The following MAPK10 variants were observed in gnomAD, a reference collection of about 807,000 sequenced individuals.
MAPK10 encodes JNK3 alpha protein kinase.
A neutral mutation model predicts 59.3 loss-of-function variants in MAPK10; 25 were observed. The ratio of observed to expected loss-of-function variants is 0.42; its 90% CI spans 0.31 to 0.59. The LOEUF (loss-of-function observed/expected upper bound fraction) is 0.59. MAPK10 is among the 20% of genes least tolerant of loss of function. The probability of loss-of-function intolerance (pLI) is 0.15; values close to 1 mark genes in which losing one functional copy is unlikely to be tolerated. For synonymous variants in MAPK10, 190 were observed against 200.5 expected (o/e 0.95, Z 0.44); for missense variants, 351 against 568.9 (o/e 0.62, Z 3.90).
intron 1 of MAPK10, among the ~76,000 whole-genome samples, chr4:86,395,164 A>T (rs1742751067): frequency 6.6e-6 from 1 of 152,188 alleles, no homozygotes; most frequent in Non-Finnish European, 1.5e-5. Flanking sequence ...TACAAAAGCA[A>T]AGGATGTTAC....
intron 8 of MAPK10, chr4:86,100,400 G>A (rs1489048930): frequency 6.6e-6 from 1 of 152,012 alleles, no homozygotes. Flanking sequence ...AAGTGTTCAT[G>A]AACATTAAGT....
At chr4:86,028,414 A>T (rs1380336218) in intron 13 of MAPK10, 1 of 152,180 alleles carries the variant, frequency 6.6e-6, no homozygotes, top group African/African-American at 2.4e-5. Flanking sequence ...TATCGATATG[A>T]ATAATTGATT....
chr4:86,510,948 A>G (rs1461365406), intron 1 of MAPK10, among the ~76,000 whole-genome samples: 1 of 152,196 alleles, frequency 6.6e-6, no homozygotes, highest in Non-Finnish European at 1.5e-5. Flanking sequence ...GATAGAAGGA[A>G]TAAGTTCTAG....
chr4:86,535,170 G>T (rs773650886), intron 1 of MAPK10, among the ~76,000 whole-genome samples: 1 of 152,086 alleles, frequency 6.6e-6, no homozygotes, highest in Admixed American at 6.5e-5. Flanking sequence ...GTAAGAGAAC[G>T]GAAATGGCCC....
intron 2 of MAPK10, among the ~76,000 whole-genome samples, chr4:86,337,841 C>G (rs1021804852): frequency 1.6e-4 from 24 of 152,316 alleles, no homozygotes; most frequent in Admixed American, 1.5e-3. Flanking sequence ...ATATCCAGTG[C>G]TATCAGACTG....
chr4:86,142,669 G>T (rs757535378), intron 4 of MAPK10, among the ~76,000 whole-genome samples: 1 of 152,170 alleles, frequency 6.6e-6, no homozygotes, highest in Non-Finnish European at 1.5e-5. Flanking sequence ...GGATCAAGAA[G>T]TAAAACCCAC....
At chr4:86,161,995 C>T (rs1490490977) in intron 3 of MAPK10, among the ~76,000 whole-genome samples, 1 of 151,920 alleles carries the variant, frequency 6.6e-6, no homozygotes, top group African/African-American at 2.4e-5. Flanking sequence ...TGTCACTTAT[C>T]TCTCAGGTTT....
In MAPK10 at chr4:86,572,130, C is replaced by G. The variant is rs542699167; in HGVS notation, c.-263+21780G>C. ...ACATGCACATATATTTTGTTCTTACCAGAACAGTGGAAACACTACACAAAA... is the reference window on the plus strand; with the variant it reads ...ACATGCACATATATTTTGTTCTTACGAGAACAGTGGAAACACTACACAAAA... On this transcript the variant is annotated intron_variant, in intron 1 of 4. Transcript: ENST00000502302. 2.6e-5 allele frequency among the ~76,000 whole-genome samples: 4 copies of G among 152,086 alleles called. No homozygotes were observed. The East Asian group carries it at 7.8e-4, about 29-fold the overall frequency.
At chr4:86,432,719 A>G (rs1748204196) in intron 1 of MAPK10, among the ~76,000 whole-genome samples, 1 of 152,198 alleles carries the variant, frequency 6.6e-6, no homozygotes, top group South Asian at 2.1e-4. Flanking sequence ...TGCACTCACT[A>G]CTTGTAGTGG....
chr4:86,347,920 G>A (rs891053078), intron 2 of MAPK10, among the ~76,000 whole-genome samples: 28 of 151,970 alleles, frequency 1.8e-4, no homozygotes, highest in African/African-American at 5.8e-4. Flanking sequence ...TACTTATATC[G>A]GTTTTACCAG....
intron 4 of MAPK10, among the ~76,000 whole-genome samples, chr4:86,109,672 C>A (rs772572894): frequency 6.6e-6 from 1 of 152,088 alleles, no homozygotes; most frequent in Non-Finnish European, 1.5e-5. Context: ...TCTTTGCTAT[C>A]GTGCATAGCG....
chr4:86,360,794 A>C (rs1736793213), upstream of MAPK10, among the ~76,000 whole-genome samples: 1 of 152,116 alleles, frequency 6.6e-6, no homozygotes, highest in Admixed American at 6.5e-5. Context: ...GGTATTTTTA[A>C]AGTCTCCAAA....
intron 1 of MAPK10, among the ~76,000 whole-genome samples, chr4:86,547,962 C>A (rs1565022447): frequency 6.6e-6 from 1 of 152,154 alleles, no homozygotes; most frequent in Non-Finnish European, 1.5e-5. Flanking sequence ...CTCGGCTCTA[C>A]CAATCAGCAG....
intron 11 of MAPK10, among the ~76,000 whole-genome samples, chr4:86,062,595 A>G (rs896469835): frequency 1.3e-5 from 2 of 152,132 alleles, no homozygotes; most frequent in South Asian, 2.1e-4. Context: ...ATTAAGTTAG[A>G]TATAAGAAAA....
intron 1 of MAPK10, among the ~76,000 whole-genome samples, chr4:86,372,564 G>GAGAGAAAGAAAGAAAGGAAAAGA (rs1554253767): frequency 1.3e-5 from 1 of 78,690 alleles, no homozygotes; most frequent in Non-Finnish European, 2.8e-5. Context: ...AAGAAAGAAA[G>GAGAGAAAGAAAGAAAGGAAAAGA]AAAGAAAAGA....
intron 9 of MAPK10, among the ~76,000 whole-genome samples, chr4:86,076,452 C>T (rs1020670190): frequency 2.0e-5 from 3 of 152,178 alleles, no homozygotes; most frequent in African/African-American, 7.2e-5. Flanking sequence ...ATTAACCTAA[C>T]ATAAACGAAG....
chr4:86,093,772 T>C (rs953987543), intron 9 of MAPK10, among the ~76,000 whole-genome samples: 2 of 151,924 alleles, frequency 1.3e-5, no homozygotes, highest in Non-Finnish European at 1.5e-5. Flanking sequence ...GCTCCCATTC[T>C]GGTGAACCCT....
Position 86,107,297 on chromosome 4 carries a change from G to A in MAPK10, c.292C>T (p.Pro98Ser). ...TTGGCATGTGTTTGGTTCTGAAAGGGTCTGCTGAGCTTCTTAATGGCCACA... is the reference window on the plus strand; with the variant it reads ...TTGGCATGTGTTTGGTTCTGAAAGGATCTGCTGAGCTTCTTAATGGCCACA... ...RNVAIKKLSR[P>S]FQNQTHAKRA... The change falls in exon 5 of 14, where the codon CCC becomes TCC. Residue 98 changes from proline (P) to serine (S), a missense_variant. Transcript: ENST00000641462. 6.2e-7 allele frequency: 1 copy of A among 1,613,362 alleles called. No homozygotes were observed. Among genetic ancestry groups the A allele is most frequent in the Non-Finnish European group, 8.5e-7 (1 of 1,179,490 alleles).
chr4:86,337,809 G>A (rs1303165666), intron 2 of MAPK10, among the ~76,000 whole-genome samples: 1 of 152,166 alleles, frequency 6.6e-6, no homozygotes, highest in Admixed American at 6.5e-5. Flanking sequence ...AGGCTCCATT[G>A]ATTTGCCCAG....
Sources: gnomAD v4.1 joint callset for allele counts (sites outside exome capture counted in the v4.1 genomes callset) on GRCh38, gnomAD v4.1.1 for gene constraint, MANE v1.5 for transcripts, NCBI Gene and HGNC (gene_info 2026-07-23, HGNC 2026-07-21) for gene names.